RBPJ: variants seen among roughly 807,000 people sequenced by gnomAD.
The protein encoded by RBPJ is recombining binding protein suppressor of hairless.
A neutral mutation model predicts 67.8 loss-of-function variants in RBPJ; 9 were observed. The observed-to-expected ratio is 0.13, with a 90% CI of 0.08 to 0.23. The LOEUF (loss-of-function observed/expected upper bound fraction) is 0.23. RBPJ is among the 10% of genes least tolerant of loss of function. The probability of loss-of-function intolerance (pLI) is 1.00; values close to 1 mark genes in which losing one functional copy is unlikely to be tolerated. For synonymous variants in RBPJ, 198 were observed against 203.3 expected (o/e 0.97, Z 0.22); for missense variants, 305 against 595.6 (o/e 0.51, Z 5.08).
chr4:26,147,619 TTTTTTTTTC>T, the RBPJ span, among the ~76,000 whole-genome samples: 1 of 151,704 alleles, frequency 6.6e-6, no homozygotes, highest in Non-Finnish European at 1.5e-5. Context: ...TAAGAAAAAC[TTTTTTTTTC>T]TGTTTTTTCT....
At chr4:26,357,982 A>T (rs572560582) in intron 1 of RBPJ, among the ~76,000 whole-genome samples, 1 of 150,498 alleles carries the variant, frequency 6.6e-6, no homozygotes, top group African/African-American at 2.4e-5. Context: ...TGGGTTACTT[A>T]TGCTCGGGTG....
At chr4:26,306,591 A>G (rs1424061742) in intron 1 of RBPJ, among the ~76,000 whole-genome samples, 1 of 151,988 alleles carries the variant, frequency 6.6e-6, no homozygotes, top group Admixed American at 6.6e-5. Context: ...CTGGGACTAC[A>G]GGTGTCCGCC....
chr4:26,133,672 A>G, the RBPJ span, among the ~76,000 whole-genome samples: 6 of 152,080 alleles, frequency 3.9e-5, no homozygotes, highest in Non-Finnish European at 7.4e-5. Flanking sequence ...CTAGGTTGTG[A>G]AGTCTTTGTG....
intron 1 of RBPJ, among the ~76,000 whole-genome samples, chr4:26,271,034 TATTA>T (rs59165993): frequency 0.05 from 7,673 of 152,152 alleles, 642 homozygotes; most frequent in African/African-American, 0.17. Flanking sequence ...TCTATTTTGT[TATTA>T]ATTATTGTTA....
upstream of RBPJ, chr4:26,320,816 G>A: frequency 6.4e-7 from 1 of 1,558,876 alleles, no homozygotes; most frequent in Non-Finnish European, 8.7e-7. Flanking sequence ...CATCGCCTGG[G>A]TAGGTTTCCA....
At chr4:26,126,795 A>G in the RBPJ span, among the ~76,000 whole-genome samples, 2 of 152,190 alleles carry the variant, frequency 1.3e-5, no homozygotes, top group East Asian at 3.8e-4. Context: ...TAAGAAGTCT[A>G]CTCCAGTTAC....
At chr4:26,151,658 A>C in the RBPJ span, among the ~76,000 whole-genome samples, 1 of 152,196 alleles carries the variant, frequency 6.6e-6, no homozygotes, top group East Asian at 1.9e-4. Context: ...CTGAGGTCAC[A>C]CCACCGGCCG....
At chr4:26,191,611 C>T (rs1717552836) in intron 1 of RBPJ, among the ~76,000 whole-genome samples, 1 of 152,148 alleles carries the variant, frequency 6.6e-6, no homozygotes, top group Admixed American at 6.5e-5. Context: ...GAGCCAGCTC[C>T]AAGAGTCCTC....
rs570553571 is a variant in RBPJ at position 26,234,447 on chromosome 4, G to A, written c.-167+70833G>A. ...CCTGAAAGAACCAGAGAATGATTCC[G>A]TAGTAATACTAAAATTTGTGGCATA... On this transcript the variant is annotated intron_variant, in intron 1 of 4. Transcript: ENST00000512351. 9.9e-5 allele frequency among the ~76,000 whole-genome samples: 15 copies of A among 152,146 alleles called. No homozygotes were observed. The South Asian group carries it at 2.7e-3, about 27-fold the overall frequency.
At chr4:26,290,741 G>A (rs1197005653) in intron 1 of RBPJ, among the ~76,000 whole-genome samples, 1 of 150,824 alleles carries the variant, frequency 6.6e-6, no homozygotes, top group African/African-American at 2.4e-5. Context: ...GTTCTCTCCA[G>A]TTGGCTGAAA....
intron 1 of RBPJ, among the ~76,000 whole-genome samples, chr4:26,191,027 C>T (rs1038350602): frequency 2.0e-5 from 3 of 150,308 alleles, no homozygotes; most frequent in Admixed American, 6.7e-5. Context: ...CAGCACACAC[C>T]TGTGGTTCTA....
intron 1 of RBPJ, 26 bp from the exon 2 acceptor site, chr4:26,386,322 AACTTT>A: frequency 1.3e-6 from 2 of 1,534,792 alleles, no homozygotes; most frequent in Middle Eastern, 4.1e-4. Flanking sequence ...AAGCTTACTT[AACTTT>A]ATTTTCTTTA....
intron 1 of RBPJ, among the ~76,000 whole-genome samples, chr4:26,353,270 GCCTA>G (rs1056815181): frequency 1.3e-5 from 2 of 152,196 alleles, no homozygotes; most frequent in African/African-American, 2.4e-5. Flanking sequence ...CCCCTATGCT[GCCTA>G]TGCAGCAGAT....
intron 2 of RBPJ, among the ~76,000 whole-genome samples, chr4:26,399,523 C>CTT (rs34321374): frequency 4.5e-4 from 66 of 148,032 alleles, no homozygotes; most frequent in South Asian, 6.4e-4. Flanking sequence ...TTTTTCTTTC[C>CTT]TTTTTTTTTT....
intron 1 of RBPJ, among the ~76,000 whole-genome samples, chr4:26,260,376 G>T (rs909119484): frequency 2.0e-5 from 3 of 152,122 alleles, no homozygotes; most frequent in African/African-American, 7.2e-5. Flanking sequence ...TTCTTTCATT[G>T]TAGATTTTGG....
chr4:26,317,294 G>A (rs1267860833), upstream of RBPJ, among the ~76,000 whole-genome samples: 1 of 152,006 alleles, frequency 6.6e-6, no homozygotes, highest in Non-Finnish European at 1.5e-5. Context: ...CAAGAAAGGA[G>A]TGAGGGAATG....
At chr4:26,130,978 G>A in the RBPJ span, among the ~76,000 whole-genome samples, 5 of 152,172 alleles carry the variant, frequency 3.3e-5, no homozygotes, top group Admixed American at 6.5e-5. Flanking sequence ...CATGGGCCAC[G>A]ATGGCTTGGG....
At chr4:26,413,988 G>C (rs1181287877) in intron 3 of RBPJ, among the ~76,000 whole-genome samples, 1 of 151,954 alleles carries the variant, frequency 6.6e-6, no homozygotes, top group Admixed American at 6.6e-5. Flanking sequence ...AGTGTGAGTG[G>C]GTATATATAC....
intron 1 of RBPJ, among the ~76,000 whole-genome samples, chr4:26,180,459 A>T (rs1716944315): frequency 6.6e-6 from 1 of 152,224 alleles, no homozygotes; most frequent in South Asian, 2.1e-4. Context: ...TCTAGAGGCC[A>T]GAAAGTCTAA....
Sources: gnomAD v4.1 joint callset for allele counts (sites outside exome capture counted in the v4.1 genomes callset) on GRCh38, gnomAD v4.1.1 for gene constraint, MANE v1.5 for transcripts, NCBI Gene and HGNC (gene_info 2026-07-23, HGNC 2026-07-21) for gene names.